ASH1L: variants seen among roughly 807,000 people sequenced by gnomAD.
The protein encoded by ASH1L is histone-lysine N-methyltransferase ASH1L.
ASH1L carries 23 observed loss-of-function variants against 269.0 expected under a neutral mutation model. The ratio of observed to expected loss-of-function variants is 0.09; its 90% CI spans 0.06 to 0.12. The LOEUF (loss-of-function observed/expected upper bound fraction) is 0.12, where lower values mean the gene tolerates loss of function less well. ASH1L is among the 10% of genes least tolerant of loss of function. The probability of loss-of-function intolerance (pLI) is 1.00; values close to 1 mark genes in which losing one functional copy is unlikely to be tolerated. For missense variants in ASH1L, 2,912 were observed against 3,567.8 expected, an observed-to-expected ratio of 0.82 and a Z score of 4.68; for synonymous variants, 1,187 against 1,253.5, an observed-to-expected ratio of 0.95 and a Z score of 1.12.
chr1:155,342,509 G>A (rs753235585), intron 24 of ASH1L, among the ~76,000 whole-genome samples: 3 of 152,176 alleles, frequency 2.0e-5, no homozygotes, highest in Non-Finnish European at 2.9e-5. Context: ...ACACAGAACT[G>A]CAAGCAGTCT....
At chr1:155,466,046 C>T (rs1035070928) in intron 3 of ASH1L, among the ~76,000 whole-genome samples, 4 of 152,072 alleles carry the variant, frequency 2.6e-5, no homozygotes, top group South Asian at 4.1e-4. Context: ...CCTGTTCTGG[C>T]GATTTTTAAG....
intron 2 of ASH1L, among the ~76,000 whole-genome samples, chr1:155,483,156 G>C (rs1393933729): frequency 6.6e-6 from 1 of 152,080 alleles, no homozygotes; most frequent in Non-Finnish European, 1.5e-5. Context: ...ACAATAGTCT[G>C]TTTTACTTTT....
At chr1:155,394,294 T>C (rs1470372097) in intron 7 of ASH1L, among the ~76,000 whole-genome samples, 1 of 152,088 alleles carries the variant, frequency 6.6e-6, no homozygotes, top group African/African-American at 2.4e-5. Context: ...TGGGAATGAA[T>C]AAAAGGAGAG....
In ASH1L at chr1:155,458,736, C is replaced by A. The variant is rs190063364; in HGVS notation, c.5086+1061G>T. ...ATCTCAAAACCAACCAACCAACCAA[C>A]CAACCAACCAACCAACCAACCGTCT... On this transcript the variant is annotated intron_variant, in intron 4 of 27. Coordinates refer to ENST00000392403, the MANE Select transcript of ASH1L (RefSeq NM_018489.3). Among the ~76,000 whole-genome samples the A allele has an allele frequency of 1.9e-3, 284 of 151,934 alleles. 1 individual carries two copies. The highest frequency in any genetic ancestry group is 6.6e-3 in the African/African-American group (275 of 41,434).
At chr1:155,449,556 AT>A (rs1041136683) in intron 4 of ASH1L, among the ~76,000 whole-genome samples, 44 of 147,220 alleles carry the variant, frequency 3.0e-4, no homozygotes, top group African/African-American at 1.1e-3. Context: ...GTCTCGCTCT[AT>A]CACCCAGGCT....
At chr1:155,510,411 CAAAAAAAAA>C (rs1161549080) in intron 2 of ASH1L, among the ~76,000 whole-genome samples, 1 of 40,960 alleles carries the variant, frequency 2.4e-5, no homozygotes, top group Non-Finnish European at 5.8e-5. Context: ...AAGGCTGCCT[CAAAAAAAAA>C]AAAAAAAAAA....
chr1:155,476,893 T>C lies in ASH1L; in HGVS notation c.4984+993A>G, dbSNP rs1056408967. ...TAATCTTTTAGGGGAATAATAATAA[T>C]AACTAATATTTGCATGCTTACTATG... is the stretch of plus-strand genomic sequence containing the variant. On this transcript the variant is annotated intron_variant, in intron 3 of 27. Coordinates refer to ENST00000392403, the MANE Select transcript of ASH1L (RefSeq NM_018489.3). Among the ~76,000 whole-genome samples, 5 of 152,164 alleles carry C rather than the reference T, an allele frequency of 3.3e-5. No individual in the cohort carries two copies. In the South Asian group the frequency reaches 8.3e-4, roughly 25 times the overall value.
intron 17 of ASH1L, among the ~76,000 whole-genome samples, chr1:155,352,199 A>T (rs908621702): frequency 2.7e-5 from 4 of 149,922 alleles, no homozygotes; most frequent in Non-Finnish European, 5.9e-5. Flanking sequence ...ATGGTGGCTC[A>T]TGCTTATAAT....
At chr1:155,425,372 G>C (rs1661061092) in intron 5 of ASH1L, among the ~76,000 whole-genome samples, 1 of 151,332 alleles carries the variant, frequency 6.6e-6, no homozygotes, top group Non-Finnish European at 1.5e-5. Context: ...CTGCCTCCTG[G>C]GTTCAAGTGA....
chr1:155,388,247 A>C (rs1443699853), intron 7 of ASH1L, among the ~76,000 whole-genome samples: 3 of 152,172 alleles, frequency 2.0e-5, no homozygotes, highest in Non-Finnish European at 4.4e-5. Flanking sequence ...CTTATATAGT[A>C]ACTGCTGCCA....
At chr1:155,466,410 C>T (rs1009879147) in intron 3 of ASH1L, among the ~76,000 whole-genome samples, 1 of 152,112 alleles carries the variant, frequency 6.6e-6, no homozygotes, top group African/African-American at 2.4e-5. Flanking sequence ...TCTAACTAGG[C>T]TATTTTTCAT....
chr1:155,511,558 T>G (rs1161544188), intron 2 of ASH1L, among the ~76,000 whole-genome samples: 1 of 152,168 alleles, frequency 6.6e-6, no homozygotes, highest in Non-Finnish European at 1.5e-5. Flanking sequence ...CAGGGTGGAG[T>G]GCAGTGGCGC....
At chr1:155,558,634 C>G (rs1671759589) in intron 1 of ASH1L, among the ~76,000 whole-genome samples, 1 of 152,104 alleles carries the variant, frequency 6.6e-6, no homozygotes. Context: ...GCTTCCAACT[C>G]CTGGGTCAAG....
chr1:155,393,652 T>C (rs752134521), intron 7 of ASH1L, among the ~76,000 whole-genome samples: 126 of 152,122 alleles, frequency 8.3e-4, no homozygotes, highest in Non-Finnish European at 1.4e-3. Context: ...CCTCCTGGGT[T>C]CACGCCATTC....
intron 10 of ASH1L, among the ~76,000 whole-genome samples, 181 bp downstream of exon 10, chr1:155,378,100 C>T (rs1382860759): frequency 6.6e-6 from 1 of 151,980 alleles, no homozygotes; most frequent in African/African-American, 2.4e-5. Context: ...CGAAGGCACA[C>T]ACAAGACTCT....
intron 4 of ASH1L, among the ~76,000 whole-genome samples, chr1:155,444,907 G>A (rs891857821): frequency 2.9e-5 from 4 of 137,836 alleles, no homozygotes; most frequent in South Asian, 2.1e-4. Flanking sequence ...GTGAGCCACC[G>A]CGCCCGGCCA....
chr1:155,459,716 TTCTACAATA>T, intron 4 of ASH1L, 72 bp downstream of exon 4: 1 of 1,124,896 alleles, frequency 8.9e-7, no homozygotes, highest in Admixed American at 2.1e-5. Flanking sequence ...CCATTATTTT[TTCTACAATA>T]TTGTAACTCC....
At chr1:155,433,353 G>A (rs1471206246) in intron 5 of ASH1L, 3 of 1,591,918 alleles carry the variant, frequency 1.9e-6, no homozygotes, top group Admixed American at 3.5e-5. Context: ...TCTGAGGTGT[G>A]GGGGATTCCC....
At chr1:155,470,119 C>G (rs1177006107) in intron 3 of ASH1L, among the ~76,000 whole-genome samples, 10 of 152,202 alleles carry the variant, frequency 6.6e-5, no homozygotes. Context: ...TAAAGTCAGT[C>G]CCTCACTTCT....
Sources: allele counts gnomAD v4.1 joint callset (sites outside exome capture counted in the v4.1 genomes callset), GRCh38; gene constraint gnomAD v4.1.1; transcripts MANE v1.5; gene names NCBI Gene and HGNC (gene_info 2026-07-23, HGNC 2026-07-21).